The following IL1RAPL2 variants were observed in gnomAD, a reference collection of about 807,000 sequenced individuals.
IL1RAPL2 encodes interleukin 1 receptor accessory protein like 2.
Under a neutral mutation model 44.1 loss-of-function variants are expected in IL1RAPL2, and 3 were observed. The ratio of observed to expected loss-of-function variants is 0.07; its 90% CI spans 0.03 to 0.18. The LOEUF is 0.18. Ranked by LOEUF, IL1RAPL2 falls within the 10% of genes least tolerant of loss-of-function variation. IL1RAPL2 has a pLI of 1.00. For missense variants in IL1RAPL2, 391 were observed against 496.4 expected (o/e 0.79, Z 2.02); for synonymous variants, 181 against 178.8 (o/e 1.01, Z -0.10).
intron 5 of IL1RAPL2, among the ~76,000 whole-genome samples, chrX:105,279,705 C>G (rs1364990183): frequency 8.9e-6 from 1 of 111,857 alleles, no homozygotes; most frequent in Non-Finnish European, 1.9e-5. Flanking sequence ...GTCTCGATCT[C>G]TTGACCTCCT....
At chrX:105,699,508 G>C (rs1219462325) in intron 6 of IL1RAPL2, among the ~76,000 whole-genome samples, 1 of 111,812 alleles carries the variant, frequency 8.9e-6, no homozygotes, top group Non-Finnish European at 1.9e-5. Context: ...TGTGTCATAT[G>C]ATGTAAAATG....
intron 2 of IL1RAPL2, among the ~76,000 whole-genome samples, chrX:104,743,177 C>T (rs1458885427): frequency 9.0e-6 from 1 of 110,643 alleles, no homozygotes; most frequent in Non-Finnish European, 1.9e-5. Flanking sequence ...TGTTTACTCT[C>T]TTTACTCCGA....
chrX:105,478,108 T>C (rs1259079000), intron 5 of IL1RAPL2, among the ~76,000 whole-genome samples: 1 of 110,493 alleles, frequency 9.1e-6, no homozygotes. Flanking sequence ...GAGATGGTAT[T>C]GCCTGTTACC....
intron 6 of IL1RAPL2, among the ~76,000 whole-genome samples, chrX:105,613,047 A>G (rs1246052501): frequency 9.0e-6 from 1 of 111,517 alleles, no homozygotes; most frequent in Non-Finnish European, 1.9e-5. Flanking sequence ...ACCCCTACCC[A>G]AACCCCAGGC....
intron 1 of IL1RAPL2, among the ~76,000 whole-genome samples, chrX:104,619,271 C>G (rs1929338326): frequency 8.9e-6 from 1 of 112,230 alleles, no homozygotes; most frequent in Non-Finnish European, 1.9e-5. Flanking sequence ...ATATCCTGCT[C>G]TCAGTCCCAC....
intron 2 of IL1RAPL2, among the ~76,000 whole-genome samples, chrX:105,072,168 A>G (rs2032215594): frequency 9.0e-6 from 1 of 111,125 alleles, no homozygotes; most frequent in Non-Finnish European, 1.9e-5. Flanking sequence ...ATGGTTTTAT[A>G]AGTGACAGTT....
intron 6 of IL1RAPL2, among the ~76,000 whole-genome samples, chrX:105,695,656 A>T (rs986603088): frequency 2.7e-5 from 3 of 111,630 alleles, no homozygotes; most frequent in Admixed American, 9.6e-5. Flanking sequence ...GCTACCCTTT[A>T]TGGAGCATTA....
chrX:105,075,896 T>C lies in IL1RAPL2; in HGVS notation c.83-119579T>C, dbSNP rs749146642. Among the ~76,000 whole-genome samples, 6 of 111,925 alleles carry C rather than the reference T, an allele frequency of 5.4e-5. No homozygotes were observed. In the South Asian group the frequency reaches 2.2e-3, roughly 42 times the overall value. On this transcript the variant is annotated intron_variant, in intron 2 of 10. Coordinates refer to ENST00000372582, the MANE Select transcript of IL1RAPL2 (RefSeq NM_017416.2). ...GTGGAATCGATGGTGATATCCCGTT[T>C]GTCATTTTTCATCGTGTCTATTTGA...
At chrX:104,949,396 G>A (rs1925502213) in intron 2 of IL1RAPL2, among the ~76,000 whole-genome samples, 1 of 109,903 alleles carries the variant, frequency 9.1e-6, no homozygotes, top group African/African-American at 3.3e-5. Context: ...TTTTTTGAAG[G>A]GTTTTTTGTG....
chrX:105,195,217 C>G (rs1394392133), intron 2 of IL1RAPL2, among the ~76,000 whole-genome samples: 1 of 107,896 alleles, frequency 9.3e-6, no homozygotes, highest in African/African-American at 3.4e-5. Flanking sequence ...AGTTCTGGAG[C>G]TCCTTGAAGA....
intron 2 of IL1RAPL2, among the ~76,000 whole-genome samples, chrX:104,820,834 T>C (rs1383814887): frequency 8.9e-6 from 1 of 112,393 alleles, no homozygotes; most frequent in Non-Finnish European, 1.9e-5. Flanking sequence ...AAATGCCTAA[T>C]GTGATAACTG....
chrX:104,697,187 T>C (rs1480806112), intron 2 of IL1RAPL2, among the ~76,000 whole-genome samples: 5 of 112,625 alleles, frequency 4.4e-5, no homozygotes, highest in Non-Finnish European at 9.4e-5. Context: ...ACAATATAAG[T>C]AAGCTGCCCT....
At chrX:104,812,190 T>G (rs1052248579) in intron 2 of IL1RAPL2, among the ~76,000 whole-genome samples, 2 of 111,428 alleles carry the variant, frequency 1.8e-5, no homozygotes, top group Non-Finnish European at 3.8e-5. Flanking sequence ...ATCAGTAGTT[T>G]CCAGCCTGTG....
intron 2 of IL1RAPL2, among the ~76,000 whole-genome samples, chrX:104,758,042 C>T (rs952451228): frequency 1.1e-4 from 12 of 111,739 alleles, no homozygotes; most frequent in Middle Eastern, 4.7e-3. Context: ...TGTGCCTGGA[C>T]GGTAAAGAAT....
At chrX:105,428,156 G>A (rs1161528457) in intron 5 of IL1RAPL2, among the ~76,000 whole-genome samples, 1 of 111,116 alleles carries the variant, frequency 9.0e-6, no homozygotes, top group Non-Finnish European at 1.9e-5. Context: ...CAAAATATTT[G>A]ATGCACCAAA....
At chrX:104,687,169 T>C (rs1427386366) in intron 2 of IL1RAPL2, among the ~76,000 whole-genome samples, 2 of 112,159 alleles carry the variant, frequency 1.8e-5, no homozygotes, top group Non-Finnish European at 3.8e-5. Context: ...TCTTAGTCCA[T>C]TTGTATGGCT....
chrX:105,520,391 G>A (rs2036546114), intron 6 of IL1RAPL2, among the ~76,000 whole-genome samples: 1 of 111,738 alleles, frequency 8.9e-6, no homozygotes, highest in South Asian at 3.7e-4. Context: ...GTTTTTCAAA[G>A]CATTTTAATT....
chrX:104,792,792 A>G (rs889070225), intron 2 of IL1RAPL2, among the ~76,000 whole-genome samples: 2 of 111,712 alleles, frequency 1.8e-5, no homozygotes, highest in Non-Finnish European at 3.8e-5. Context: ...AATTTATTTA[A>G]AGGATAACTC....
At chrX:105,591,346 A>G (rs77936894) in intron 6 of IL1RAPL2, among the ~76,000 whole-genome samples, 7 of 106,924 alleles carry the variant, frequency 6.5e-5, no homozygotes, top group African/African-American at 2.4e-4. Flanking sequence ...TATCAATCTT[A>G]TTTACTTTTT....
Sources: allele counts gnomAD v4.1 joint callset (sites outside exome capture counted in the v4.1 genomes callset), GRCh38; gene constraint gnomAD v4.1.1; transcripts MANE v1.5; gene names NCBI Gene and HGNC (gene_info 2026-07-23, HGNC 2026-07-21).